The following CDH13 variants were observed in gnomAD, a reference collection of about 807,000 sequenced individuals.
CDH13 encodes cadherin-13.
Under a neutral mutation model 63.8 loss-of-function variants are expected in CDH13, and 24 were observed. That is an observed-to-expected ratio of 0.38 (90% CI 0.27 to 0.53). The LOEUF (loss-of-function observed/expected upper bound fraction) is 0.53, where lower values mean the gene tolerates loss of function less well. Ranked by LOEUF, CDH13 falls within the 20% of genes least tolerant of loss-of-function variation. CDH13 has a pLI of 0.85. For synonymous variants in CDH13, 503 were observed against 355.3 expected, an observed-to-expected ratio of 1.42 and a Z score of -4.67; for missense variants, 1,049 against 903.1, an observed-to-expected ratio of 1.16 and a Z score of -2.07.
intron 6 of CDH13, among the ~76,000 whole-genome samples, chr16:83,470,521 T>C (rs1428863474): frequency 6.6e-6 from 1 of 152,200 alleles, no homozygotes; most frequent in East Asian, 1.9e-4. Context: ...AGATTCCTCT[T>C]ATAATAGAGC....
chr16:82,924,065 A>G lies in CDH13; in HGVS notation c.157+65592A>G, dbSNP rs556018660. ...GTCATGAATCAGTTTTTTATATTCA[A>G]TCAAAGTTGATGGAGATTACCCAAT... On this transcript the variant is annotated intron_variant, in intron 2 of 13. Coordinates refer to ENST00000567109, the MANE Select transcript of CDH13 (RefSeq NM_001257.5). 5.9e-5 allele frequency among the ~76,000 whole-genome samples: 9 copies of G among 152,344 alleles called. No homozygotes were observed. The East Asian group carries it at 9.6e-4, about 16-fold the overall frequency.
At chr16:83,339,936 G>GGA (rs2090684986) in intron 5 of CDH13, among the ~76,000 whole-genome samples, 1 of 152,120 alleles carries the variant, frequency 6.6e-6, no homozygotes, top group Non-Finnish European at 1.5e-5. Flanking sequence ...ACTCCTCCCT[G>GGA]GGATATTTCA....
At chr16:83,542,973 A>T (rs1292593701) in intron 7 of CDH13, among the ~76,000 whole-genome samples, 1 of 152,242 alleles carries the variant, frequency 6.6e-6, no homozygotes, top group Non-Finnish European at 1.5e-5. Context: ...AATTCAACTT[A>T]CAACAGCAAG....
intron 8 of CDH13, among the ~76,000 whole-genome samples, chr16:83,603,182 C>A (rs906446608): frequency 1.7e-4 from 26 of 152,302 alleles, no homozygotes; most frequent in African/African-American, 6.3e-4. Context: ...AGATCACATT[C>A]AGTTGCTAAA....
chr16:82,777,997 A>G (rs1255616123), intron 1 of CDH13, among the ~76,000 whole-genome samples: 2 of 152,176 alleles, frequency 1.3e-5, no homozygotes, highest in African/African-American at 2.4e-5. Flanking sequence ...CAGTCATAGA[A>G]GAGATGCCCT....
chr16:83,356,625 A>AAT (rs1459893139), intron 6 of CDH13, among the ~76,000 whole-genome samples: 1 of 152,022 alleles, frequency 6.6e-6, no homozygotes, highest in Non-Finnish European at 1.5e-5. Context: ...ACTTCACCTT[A>AAT]ATATATATAT....
In CDH13 at chr16:83,795,108, T is replaced by C. The variant is rs941747328; in HGVS notation, c.*78T>C. On this transcript the variant is annotated 3_prime_UTR_variant, in exon 14 of 14. Coordinates refer to ENST00000567109, the MANE Select transcript of CDH13 (RefSeq NM_001257.5). The stretch of plus-strand genomic sequence containing the variant: ...AAAAAAATCTATCCAAATCTGAAGA[T>C]TGCGGTTTACAGCTATCGAACTTCA... The C allele has an allele frequency of 3.7e-6, 5 of 1,337,732 alleles. No homozygotes were observed. Among genetic ancestry groups the C allele is most frequent in the Middle Eastern group, 1.8e-4 (1 of 5,510 alleles). The allele number at this position is 1,337,732 out of a possible 1,614,324, so 82.9% of individuals were successfully genotyped here. A position where few individuals can be genotyped will look rare whatever the true frequency, so the allele number is the denominator to read the frequency against.
chr16:82,963,347 C>G (rs1907318695), intron 2 of CDH13, among the ~76,000 whole-genome samples: 2 of 152,168 alleles, frequency 1.3e-5, no homozygotes, highest in South Asian at 4.1e-4. Flanking sequence ...CCATTGCACT[C>G]CAGCCTGGGC....
intron 3 of CDH13, among the ~76,000 whole-genome samples, chr16:83,096,464 G>C (rs2151592642): frequency 6.6e-6 from 1 of 152,286 alleles, no homozygotes; most frequent in African/African-American, 2.4e-5. Context: ...CATAGCTAAA[G>C]GATTGCTCAC....
intron 2 of CDH13, among the ~76,000 whole-genome samples, chr16:82,869,956 C>G (rs2040287532): frequency 6.6e-6 from 1 of 152,070 alleles, no homozygotes. Flanking sequence ...GCATGGGAAA[C>G]TGAAACAAAA....
intron 3 of CDH13, among the ~76,000 whole-genome samples, chr16:83,122,353 T>C (rs1382730061): frequency 6.6e-6 from 1 of 152,226 alleles, no homozygotes; most frequent in East Asian, 1.9e-4. Context: ...GTTTTCCTTC[T>C]TTTATGTGAA....
At chr16:83,292,881 C>G (rs1258603691) in intron 5 of CDH13, among the ~76,000 whole-genome samples, 1 of 152,058 alleles carries the variant, frequency 6.6e-6, no homozygotes. Context: ...TTTAGTGAAA[C>G]CAATGAATTT....
intron 3 of CDH13, among the ~76,000 whole-genome samples, chr16:83,055,824 A>G (rs2030869406): frequency 6.6e-6 from 1 of 152,204 alleles, no homozygotes; most frequent in Admixed American, 6.5e-5. Context: ...CAGTCTCTCT[A>G]ATGAATGTAT....
At chr16:83,394,317 G>A (rs187702795) in intron 6 of CDH13, among the ~76,000 whole-genome samples, 4 of 151,970 alleles carry the variant, frequency 2.6e-5, no homozygotes, top group East Asian at 1.9e-4. Context: ...TTTCAATTGC[G>A]TGCTCAAGGA....
intron 3 of CDH13, among the ~76,000 whole-genome samples, chr16:83,044,972 T>C (rs888005316): frequency 1.3e-5 from 2 of 152,196 alleles, no homozygotes; most frequent in Non-Finnish European, 2.9e-5. Flanking sequence ...CCCTCCTATC[T>C]CTTGTTATTA....
chr16:83,248,799 C>G (rs1219335333), intron 5 of CDH13, among the ~76,000 whole-genome samples: 1 of 152,186 alleles, frequency 6.6e-6, no homozygotes, highest in Non-Finnish European at 1.5e-5. Context: ...CCATCACTTT[C>G]TGCAGGAAAT....
chr16:82,766,937 A>G (rs1231484040), intron 1 of CDH13, among the ~76,000 whole-genome samples: 1 of 152,166 alleles, frequency 6.6e-6, no homozygotes, highest in African/African-American at 2.4e-5. Context: ...GTGAGCACTC[A>G]TGTACCCACC....
At chr16:83,748,002 T>C in intron 10 of CDH13, 106 bp from the exon 11 acceptor site, 1 of 1,209,032 alleles carries the variant, frequency 8.3e-7, no homozygotes, top group Non-Finnish European at 1.2e-6. Flanking sequence ...GGATTTTTGT[T>C]ACCTAGGATC....
At chr16:83,499,436 C>T (rs2074220444) in intron 7 of CDH13, among the ~76,000 whole-genome samples, 1 of 152,234 alleles carries the variant, frequency 6.6e-6, no homozygotes, top group African/African-American at 2.4e-5. Context: ...TTGCTTGAGT[C>T]TGAACTTTAA....
Sources: gnomAD v4.1 joint callset for allele counts (sites outside exome capture counted in the v4.1 genomes callset) on GRCh38, gnomAD v4.1.1 for gene constraint, MANE v1.5 for transcripts, NCBI Gene and HGNC (gene_info 2026-07-23, HGNC 2026-07-21) for gene names.